Variants in PDPR observed in about 807,000 individuals in gnomAD.
PDPR encodes the protein pyruvate dehydrogenase phosphatase regulatory subunit, also known as pyruvate dehydrogenase phosphatase regulatory subunit, mitochondrial.
PDPR carries 50 observed loss-of-function variants against 102.2 expected under a neutral mutation model. The ratio of observed to expected loss-of-function variants is 0.49; its 90% CI spans 0.39 to 0.62. The LOEUF (loss-of-function observed/expected upper bound fraction) is 0.62. Ranked by LOEUF, PDPR falls within the 20% of genes least tolerant of loss-of-function variation. PDPR has a pLI of 0.00. For missense variants in PDPR, 625 were observed against 1,098.2 expected, an observed-to-expected ratio of 0.57 and a Z score of 6.09; for synonymous variants, 259 against 406.0, an observed-to-expected ratio of 0.64 and a Z score of 4.35.
intron 17 of PDPR, among the ~76,000 whole-genome samples, chr16:70,151,401 C>T (rs1192584539): frequency 1.8e-4 from 28 of 152,376 alleles, no homozygotes; most frequent in African/African-American, 6.3e-4. Flanking sequence ...TGTGCCCAAC[C>T]CTTTTTAAAT....
At chr16:70,153,775 G>A (rs1053500302) in intron 18 of PDPR, among the ~76,000 whole-genome samples, 1 of 152,280 alleles carries the variant, frequency 6.6e-6, no homozygotes, top group African/African-American at 2.4e-5. Flanking sequence ...CATAATAATG[G>A]TGGCTCACGC....
intron 14 of PDPR, 89 bp downstream of exon 14, chr16:70,143,747 G>A (rs1965973900): frequency 1.4e-6 from 2 of 1,454,424 alleles, no homozygotes; most frequent in Admixed American, 2.1e-5. Context: ...GCTTCTCCGG[G>A]AACCATAAAT....
At chr16:70,155,760 A>C (rs1005703426) in intron 18 of PDPR, among the ~76,000 whole-genome samples, 9 of 152,058 alleles carry the variant, frequency 5.9e-5, no homozygotes, top group Non-Finnish European at 1.3e-4. Flanking sequence ...GTATGCATTG[A>C]ATATAGATGT....
chr16:70,139,976 T>TGAAG (rs1296608443), intron 11 of PDPR, among the ~76,000 whole-genome samples: 3 of 152,236 alleles, frequency 2.0e-5, no homozygotes, highest in Non-Finnish European at 2.9e-5. Flanking sequence ...TCCATGGAGA[T>TGAAG]GAAGGACCTA....
At chr16:70,137,486 G>A (rs1235968699) in intron 10 of PDPR, among the ~76,000 whole-genome samples, 1 of 152,278 alleles carries the variant, frequency 6.6e-6, no homozygotes, top group Non-Finnish European at 1.5e-5. Flanking sequence ...GAGACAGAAA[G>A]TACAATGGTG....
Position 70,153,548 on chromosome 16 carries a change from G to A in PDPR, c.2210G>A (p.Arg737Gln), listed in dbSNP as rs1335406839. 7.5e-6 allele frequency: 12 copies of A among 1,608,138 alleles called. No homozygotes were observed. The highest frequency in any genetic ancestry group is 4.5e-5 in the East Asian group (2 of 44,664). Reference protein sequence around the residue: ...NNLTTPLECGRESRVKLEKGM... With the variant: ...NNLTTPLECGQESRVKLEKGM... The stretch of plus-strand genomic sequence containing the variant: ...CTCACCACGCCCCTGGAATGTGGAC[G>A]AGAGTCTCGGGTGAAATTAGAGAAG... The change falls in exon 18 of 19, where the codon CGA (arginine) becomes CAA (glutamine). Residue 737 changes from arginine to glutamine, a missense_variant. Physicochemically the swap from Arg to Gln is conservative, Grantham distance 43. Transcript: ENST00000288050.
rs369231292 is a variant in PDPR, at chr16:70,142,240, T to G, written c.1322T>G (p.Met441Arg). Reference protein sequence around the residue: ...RHRVMEVMPLMYDLKVPRWDF... With the variant: ...RHRVMEVMPLRYDLKVPRWDF... ...CTACTCGTGTCTTTTCTAGCTTTGA[T>G]GTATGATCTGAAGGTTCCCCGCTGG... The change falls in exon 12 of 19, where the codon ATG becomes AGG. Residue 441 changes from methionine to arginine, a missense_variant. Met to Arg is a moderately conservative substitution (Grantham distance 91). Coordinates refer to ENST00000288050, the MANE Select transcript of PDPR (RefSeq NM_017990.5). 1 of 1,613,760 alleles carries G rather than the reference T, an allele frequency of 6.2e-7. No individual in the cohort carries two copies. Among genetic ancestry groups the G allele is most frequent in the Admixed American group, 1.7e-5 (1 of 59,920 alleles).
rs780689882 is a variant in PDPR at position 70,120,519 on chromosome 16, T to G, written c.27T>G (p.Ile9Met). Residue 9 changes from isoleucine (I) to methionine (M), a missense_variant, in exon 3 of 19, where the codon ATT (isoleucine) becomes ATG (methionine). Physicochemically the swap from Ile to Met is conservative, Grantham distance 10. Transcript: ENST00000288050. ...TGATGTTCTACCGGTTGCTGTCGATTGTTGGAAGACAAAGAGCCAGCCCAG... is the reference window on the plus strand; with the variant it reads ...TGATGTTCTACCGGTTGCTGTCGATGGTTGGAAGACAAAGAGCCAGCCCAG... MMFYRLLS[I>M]VGRQRASPGW... The G allele has an allele frequency of 4.6e-5, 75 of 1,613,866 alleles. No homozygotes were observed. The highest frequency in any genetic ancestry group is 4.2e-4 in the South Asian group (38 of 91,088).
Position 70,136,221 on chromosome 16 carries a change from G to T in PDPR, c.1025G>T (p.Arg342Met). 1 of 1,606,570 alleles carries T rather than the reference G, an allele frequency of 6.2e-7. No individual in the cohort carries two copies. The highest frequency in any genetic ancestry group is 2.2e-5 in the East Asian group (1 of 44,732). ...CCTCTGTTGAGTTCCCTTCTGAGGA[G>T]GATGCCAGAATTAGAGACTCTGGAG... is the stretch of plus-strand genomic sequence containing the variant. Reference protein sequence around the residue: ...FEPLLSSLLRRMPELETLEIM... With the variant: ...FEPLLSSLLRMMPELETLEIM... The change falls in exon 10 of 19, where the codon AGG (arginine) becomes ATG (methionine). Residue 342 changes from arginine (R) to methionine (M), a missense_variant. By Grantham distance (91) the Arg-to-Met change is moderately conservative (BLOSUM62 -1). Around this residue, in one of 11 missense-constraint regions of PDPR, gnomAD observed 50 missense variants for 79.9 expected, o/e 0.63. Transcript: ENST00000288050.
intron 18 of PDPR, chr16:70,156,240 T>G: frequency 1.8e-6 from 1 of 568,458 alleles, no homozygotes. Flanking sequence ...GTTTATAAAA[T>G]AGGAAACAAA....
At chr16:70,146,270 T>A (rs1471888876) in intron 16 of PDPR, 42 bp downstream of exon 16, 15 of 1,613,030 alleles carry the variant, frequency 9.3e-6, no homozygotes, top group Non-Finnish European at 1.3e-5. Flanking sequence ...GGGCAGAGAA[T>A]GTGTCTTTCA....
chr16:70,139,093 A>G, intron 11 of PDPR, 70 bp downstream of exon 11: 2 of 1,511,966 alleles, frequency 1.3e-6, no homozygotes, highest in Middle Eastern at 1.8e-4. Flanking sequence ...TGTCATTCAG[A>G]AGGAGCAAAG....
chr16:70,130,578 A>G (rs758756163), intron 7 of PDPR, 34 bp downstream of exon 7: 1 of 1,611,906 alleles, frequency 6.2e-7, no homozygotes, highest in African/African-American at 1.3e-5. Context: ...TTCTTATTTA[A>G]CGTTTGTCTC....
At chr16:70,142,462 A>G (rs750411801) in intron 12 of PDPR, 73 bp downstream of exon 12, 8 of 1,613,060 alleles carry the variant, frequency 5.0e-6, no homozygotes, top group Non-Finnish European at 6.8e-6. Flanking sequence ...CATATTTTCA[A>G]ATGCATAGGC....
At position 70,118,253 on chromosome 16, in the gene PDPR, AGAAG is replaced by A. The variant is rs376780509; in HGVS notation, c.-32-2199_-32-2196del. ...GGAGATTAACTTTCCAGTGGATAAA[AGAAG>A]GAAGGAAGAGATGGTTGCAGATGCA... On this transcript the variant is annotated intron_variant, in intron 2 of 18. Coordinates refer to ENST00000288050, the MANE Select transcript of PDPR (RefSeq NM_017990.5). 7.2e-5 allele frequency among the ~76,000 whole-genome samples: 11 copies of A among 152,314 alleles called. No homozygotes were observed. The South Asian group carries it at 2.1e-3, about 29-fold the overall frequency.
Position 70,156,961 on chromosome 16 carries a change from C to T in PDPR, c.*82C>T, listed in dbSNP as rs1351958162. ...CTTGGAGCTTCTCTTCCTTCCGCCT[C>T]TGTTCCTCTTCTGGAGCCTTTGCCT... On this transcript the variant is annotated 3_prime_UTR_variant, in exon 19 of 19. Transcript: ENST00000288050. 6.5e-7 allele frequency: 1 copy of T among 1,535,748 alleles called. No homozygotes were observed. The highest frequency in any genetic ancestry group is 8.9e-7 in the Non-Finnish European group (1 of 1,128,190).
At chr16:70,151,893 C>CGAGTAAATGGTGGGGAACTACTCTTT (rs1567559960) in intron 17 of PDPR, among the ~76,000 whole-genome samples, 4 of 152,294 alleles carry the variant, frequency 2.6e-5, no homozygotes, top group Non-Finnish European at 5.9e-5. Context: ...GTGAGAAAAA[C>CGAGTAAATGGTGGGGAACTACTCTTT]GAGTAAATGG....
At chr16:70,119,179 G>T (rs1292412016) in intron 2 of PDPR, among the ~76,000 whole-genome samples, 1 of 152,022 alleles carries the variant, frequency 6.6e-6, no homozygotes, top group Non-Finnish European at 1.5e-5. Context: ...ACCCTGCCTT[G>T]TCCAAGGGCA....
rs71151175 is a variant in PDPR at position 70,150,531 on chromosome 16, A to ATTTTTTT, written c.2052+1986_2052+1992dup. Reference sequence around the variant, plus strand: ...ACTTGTAGTGATAGGTTTTCTCTTAATTTTTTTTTTTTTTGTGAGACAGGG... The same window carrying ATTTTTTT: ...ACTTGTAGTGATAGGTTTTCTCTTAATTTTTTTTTTTTTTTTTTTTTGTGAGACAGGG... On this transcript the variant is annotated intron_variant, in intron 17 of 18. Coordinates refer to ENST00000288050, the MANE Select transcript of PDPR (RefSeq NM_017990.5). Among the ~76,000 whole-genome samples the ATTTTTTT allele has an allele frequency of 2.2e-4, 31 of 138,318 alleles. 1 individual carries two copies. The highest frequency in any genetic ancestry group is 2.7e-4 in the African/African-American group (10 of 36,844). The allele number at this position is 138,318 out of a possible 152,430, so 90.7% of individuals were successfully genotyped here. A position where few individuals can be genotyped will look rare whatever the true frequency, so the allele number is the denominator to read the frequency against.
Sources: allele counts gnomAD v4.1 joint callset (sites outside exome capture counted in the v4.1 genomes callset), GRCh38; gene constraint gnomAD v4.1.1; regional missense constraint gnomAD v4.1.1; transcripts MANE v1.5; gene names NCBI Gene and HGNC (gene_info 2026-07-23, HGNC 2026-07-21).